Variants in BMPER observed in about 807,000 individuals in gnomAD.
BMPER encodes BMP binding endothelial regulator.
BMPER carries 45 observed loss-of-function variants against 87.3 expected under a neutral mutation model. The observed-to-expected ratio is 0.52, with a 90% CI of 0.41 to 0.66. The LOEUF (loss-of-function observed/expected upper bound fraction) is 0.66, where lower values mean the gene tolerates loss of function less well. BMPER is among the 30% of genes least tolerant of loss of function. BMPER has a pLI of 0.00. For synonymous variants in BMPER, 326 were observed against 316.2 expected (o/e 1.03, Z -0.33); for missense variants, 784 against 867.5 (o/e 0.90, Z 1.21).
intron 2 of BMPER, among the ~76,000 whole-genome samples, chr7:33,935,403 C>G (rs1253059475): frequency 1.3e-5 from 2 of 152,050 alleles, no homozygotes; most frequent in Non-Finnish European, 2.9e-5. Flanking sequence ...ATGCCTGGTC[C>G]TTAGATTAAC....
chr7:34,088,936 C>T (rs936042755), intron 13 of BMPER, among the ~76,000 whole-genome samples: 3 of 152,116 alleles, frequency 2.0e-5, no homozygotes, highest in African/African-American at 4.8e-5. Context: ...GTGTAAGTGA[C>T]GATTGCATTG....
chr7:34,040,464 C>T (rs1585766361), intron 6 of BMPER, among the ~76,000 whole-genome samples: 1 of 152,058 alleles, frequency 6.6e-6, no homozygotes, highest in Non-Finnish European at 1.5e-5. Context: ...ATAGTTGCAG[C>T]TTTAATAAAA....
chr7:34,100,026 C>T (rs931643614), intron 13 of BMPER, among the ~76,000 whole-genome samples: 8 of 152,022 alleles, frequency 5.3e-5, no homozygotes, highest in African/African-American at 1.9e-4. Flanking sequence ...GACACCAGGT[C>T]AAGAAATTCT....
intron 6 of BMPER, among the ~76,000 whole-genome samples, chr7:33,994,422 G>T (rs2127929735): frequency 6.6e-6 from 1 of 152,310 alleles, no homozygotes; most frequent in South Asian, 2.1e-4. Context: ...ACTCAGAAAG[G>T]GAACTCCCTG....
chr7:34,013,474 T>C (rs1246635281), intron 6 of BMPER, among the ~76,000 whole-genome samples: 3 of 151,944 alleles, frequency 2.0e-5, no homozygotes. Flanking sequence ...AAAATTTTAA[T>C]AGTGAGAGCT....
intron 2 of BMPER, among the ~76,000 whole-genome samples, chr7:33,915,552 T>C (rs948406315): frequency 3.9e-5 from 6 of 152,212 alleles, no homozygotes; most frequent in African/African-American, 1.2e-4. Context: ...GAGTCTCACC[T>C]GGTTGCCTGG....
At chr7:34,128,034 A>G (rs1373247634) in intron 13 of BMPER, among the ~76,000 whole-genome samples, 1 of 152,166 alleles carries the variant, frequency 6.6e-6, no homozygotes, top group Non-Finnish European at 1.5e-5. Context: ...ATAGTTTGGC[A>G]TACAAGGAAG....
chr7:34,060,188 CTAATT>C (rs1317908303), intron 10 of BMPER, among the ~76,000 whole-genome samples: 1 of 152,124 alleles, frequency 6.6e-6, no homozygotes, highest in African/African-American at 2.4e-5. Flanking sequence ...ATTCCCCCAT[CTAATT>C]TAGTGATATC....
chr7:34,077,405 T>A (rs1245231874), intron 11 of BMPER, among the ~76,000 whole-genome samples: 4 of 151,646 alleles, frequency 2.6e-5, no homozygotes, highest in Non-Finnish European at 4.4e-5. Flanking sequence ...AAAGGGAGGG[T>A]GAATTTGAGT....
intron 14 of BMPER, among the ~76,000 whole-genome samples, chr7:34,150,697 G>A (rs997563113): frequency 6.6e-6 from 1 of 152,104 alleles, no homozygotes; most frequent in African/African-American, 2.4e-5. Flanking sequence ...TAAAGGAAGG[G>A]TTATGTCAAT....
At chr7:33,945,552 A>T (rs1399765418) in intron 3 of BMPER, among the ~76,000 whole-genome samples, 1 of 152,050 alleles carries the variant, frequency 6.6e-6, no homozygotes, top group Non-Finnish European at 1.5e-5. Context: ...GTCCCTGGCC[A>T]GTGTTACTGC....
intron 6 of BMPER, among the ~76,000 whole-genome samples, chr7:34,038,738 C>T (rs1420908060): frequency 6.6e-6 from 1 of 152,056 alleles, no homozygotes; most frequent in African/African-American, 2.4e-5. Flanking sequence ...TCTCAGGGGT[C>T]TTTGTTTGCT....
rs776997669 is a variant in BMPER at position 34,153,315 on chromosome 7, G to T, written c.*42G>T. On this transcript the variant is annotated 3_prime_UTR_variant, in exon 15 of 15. Transcript: ENST00000649409. Reference sequence around the variant, plus strand: ...TAAGACTCTGAAATCTGGTGACTTTGACACTGAAGCGGAAGAGCCAATGAA... The same window carrying T: ...TAAGACTCTGAAATCTGGTGACTTTTACACTGAAGCGGAAGAGCCAATGAA... 1 of 1,609,730 alleles carries T rather than the reference G, an allele frequency of 6.2e-7. No homozygotes were observed. The highest frequency in any genetic ancestry group is 1.1e-5 in the South Asian group (1 of 90,856).
chr7:33,994,341 C>A (rs558728530), intron 6 of BMPER, among the ~76,000 whole-genome samples: 9 of 152,328 alleles, frequency 5.9e-5, no homozygotes, highest in African/African-American at 2.2e-4. Context: ...TTTTTAAGCC[C>A]GTCGGAAAAG....
At chr7:34,072,708 G>A (rs960751185) in intron 11 of BMPER, among the ~76,000 whole-genome samples, 1 of 152,260 alleles carries the variant, frequency 6.6e-6, no homozygotes, top group East Asian at 1.9e-4. Context: ...ACAGGTTCTG[G>A]GCATTAGGAG....
chr7:34,037,104 G>A (rs1392228354), intron 6 of BMPER, among the ~76,000 whole-genome samples: 6 of 152,002 alleles, frequency 3.9e-5, no homozygotes, highest in African/African-American at 1.4e-4. Flanking sequence ...GGGAGGCTGA[G>A]GCACGAAGAT....
intron 11 of BMPER, among the ~76,000 whole-genome samples, chr7:34,062,968 A>G (rs1466019552): frequency 6.6e-6 from 1 of 152,214 alleles, no homozygotes; most frequent in African/African-American, 2.4e-5. Flanking sequence ...CTGAGACTGT[A>G]CTACTGATCA....
chr7:33,933,354 A>G (rs1165290845), intron 2 of BMPER, among the ~76,000 whole-genome samples: 1 of 151,964 alleles, frequency 6.6e-6, no homozygotes, highest in African/African-American at 2.4e-5. Flanking sequence ...CAGGTAGACC[A>G]CTGGCTGGCA....
intron 6 of BMPER, among the ~76,000 whole-genome samples, chr7:34,021,659 G>A (rs910517338): frequency 5.3e-5 from 8 of 152,116 alleles, no homozygotes; most frequent in African/African-American, 1.9e-4. Flanking sequence ...TTTACTGAAG[G>A]CAACAGATTA....
Sources: gnomAD v4.1 joint callset for allele counts (sites outside exome capture counted in the v4.1 genomes callset) on GRCh38, gnomAD v4.1.1 for gene constraint, MANE v1.5 for transcripts, NCBI Gene and HGNC (gene_info 2026-07-23, HGNC 2026-07-21) for gene names.